VPS13B: variants seen among roughly 807,000 people sequenced by gnomAD.
VPS13B encodes vacuolar protein sorting 13 homolog B, also known as intermembrane lipid transfer protein VPS13B.
Under a neutral mutation model 426.4 loss-of-function variants are expected in VPS13B, and 285 were observed. The ratio of observed to expected loss-of-function variants is 0.67; its 90% CI spans 0.61 to 0.74. VPS13B has a LOEUF of 0.74. Ranked by LOEUF, VPS13B falls within the 30% of genes least tolerant of loss-of-function variation. VPS13B has a pLI of 0.00. For missense variants in VPS13B, 4,537 were observed against 4,782.6 expected, an observed-to-expected ratio of 0.95 and a Z score of 1.51; for synonymous variants, 1,676 against 1,676.4, an observed-to-expected ratio of 1.00 and a Z score of 0.01.
intron 30 of VPS13B, among the ~76,000 whole-genome samples, chr8:99,530,720 A>G (rs1290462943): frequency 6.6e-6 from 1 of 152,144 alleles, no homozygotes; most frequent in Non-Finnish European, 1.5e-5. Context: ...ATTGCTTTCA[A>G]TGCAATGCCT....
intron 47 of VPS13B, 98 bp downstream of exon 47, chr8:99,818,986 G>A (rs1186052943): frequency 1.1e-6 from 1 of 899,138 alleles, no homozygotes; most frequent in Non-Finnish European, 1.8e-6. Context: ...GGGGTGGGTA[G>A]GGAGATGGGA....
chr8:99,665,718 A>G (rs578190497), intron 35 of VPS13B, among the ~76,000 whole-genome samples: 16 of 152,096 alleles, frequency 1.1e-4, no homozygotes, highest in East Asian at 5.8e-4. Context: ...TTTGGTTACT[A>G]TAGCCTTGTA....
At chr8:99,164,426 T>A (rs953650697) in intron 15 of VPS13B, among the ~76,000 whole-genome samples, 1 of 152,150 alleles carries the variant, frequency 6.6e-6, no homozygotes, top group Non-Finnish European at 1.5e-5. Flanking sequence ...AAAACAACAC[T>A]CTTCCCCTAA....
At chr8:99,412,266 T>A (rs1815718532) in intron 21 of VPS13B, among the ~76,000 whole-genome samples, 1 of 152,226 alleles carries the variant, frequency 6.6e-6, no homozygotes, top group Admixed American at 6.5e-5. Flanking sequence ...TTTGTAGTTC[T>A]CCTTGAAGAG....
At chr8:99,833,592 C>CT (rs1815209307) in intron 52 of VPS13B, among the ~76,000 whole-genome samples, 1 of 152,120 alleles carries the variant, frequency 6.6e-6, no homozygotes, top group African/African-American at 2.4e-5. Flanking sequence ...CATTTGTCAT[C>CT]TTTTACACTG....
chr8:99,615,338 G>T (rs1460376449), intron 33 of VPS13B, among the ~76,000 whole-genome samples: 1 of 152,080 alleles, frequency 6.6e-6, no homozygotes, highest in Non-Finnish European at 1.5e-5. Context: ...CCACTTACTG[G>T]CTTTGAAAGA....
At position 99,821,424 on chromosome 8, in the gene VPS13B, A is replaced by G. The variant is rs748263875; in HGVS notation, c.9125A>G (p.Asp3042Gly). The G allele has an allele frequency of 3.1e-6, 5 of 1,613,864 alleles. No individual in the cohort carries two copies. The highest frequency in any genetic ancestry group is 4.2e-6 in the Non-Finnish European group (5 of 1,179,820). ...GGTAATGGTGAAGTTGTGACACTGGATGAAGAAGCGTTTGTTGATACTGAA... is the reference window on the plus strand; with the variant it reads ...GGTAATGGTGAAGTTGTGACACTGGGTGAAGAAGCGTTTGTTGATACTGAA... ...DGGNGEVVTL[D>G]EEAFVDTEIR... Residue 3042 changes from aspartate (D) to glycine (G), a missense_variant, in exon 50 of 62, where the codon GAT (aspartate) becomes GGT (glycine). This residue lies in a region of VPS13B where 4,311 missense variants were observed against 4,474.3 expected (regional missense o/e 0.96). Transcript: ENST00000357162.
chr8:99,534,296 A>G (rs765271772), intron 30 of VPS13B, among the ~76,000 whole-genome samples: 5 of 152,196 alleles, frequency 3.3e-5, no homozygotes, highest in African/African-American at 1.2e-4. Context: ...GCCAAAAGCT[A>G]CCTCAACAAC....
Position 99,384,196 on chromosome 8 carries a change from C to G in VPS13B, c.2825-12C>G, listed in dbSNP as rs1813990717. The G allele has an allele frequency of 3.1e-6, 5 of 1,608,180 alleles. No homozygotes were observed. Among genetic ancestry groups the G allele is most frequent in the Non-Finnish European group, 3.4e-6 (4 of 1,174,842 alleles). On this transcript the variant is annotated splice_polypyrimidine_tract_variant and intron_variant, in intron 19 of 61. Transcript: ENST00000357162. ...AGGACTTATGTAACAGTTTAAAAAT[C>G]TTGTCTTTTAGGTGCTGTACTTCTT...
At chr8:99,578,805 C>G (rs961485931) in intron 33 of VPS13B, among the ~76,000 whole-genome samples, 2 of 152,114 alleles carry the variant, frequency 1.3e-5, no homozygotes, top group Non-Finnish European at 2.9e-5. Flanking sequence ...AAATCTAACT[C>G]TCAGATCACT....
chr8:99,183,878 T>TTAGA (rs1813076180), intron 16 of VPS13B, among the ~76,000 whole-genome samples: 1 of 152,170 alleles, frequency 6.6e-6, no homozygotes. Flanking sequence ...GTCACCCTAA[T>TTAGA]TAGATCCTCT....
At chr8:99,192,022 T>C (rs1339653857) in intron 16 of VPS13B, among the ~76,000 whole-genome samples, 1 of 152,208 alleles carries the variant, frequency 6.6e-6, no homozygotes, top group African/African-American at 2.4e-5. Context: ...CAGTATACTA[T>C]AGTAGCATCC....
At chr8:99,479,784 A>ATT (rs1267829271) in intron 24 of VPS13B, among the ~76,000 whole-genome samples, 1 of 152,130 alleles carries the variant, frequency 6.6e-6, no homozygotes, top group African/African-American at 2.4e-5. Context: ...ATGTACTTCA[A>ATT]TTTGTTAACT....
chr8:99,505,851 C>G lies in VPS13B; in HGVS notation c.4158-1286C>G, dbSNP rs541061664. On this transcript the variant is annotated intron_variant, in intron 27 of 61. Coordinates refer to ENST00000357162, the MANE Select transcript of VPS13B (RefSeq NM_152564.5). The stretch of plus-strand genomic sequence containing the variant: ...CCCATAAAACCGAGGTATGCCTGTA[C>G]TTATTCTCAAAGAGGGTTCTTAACA... Among the ~76,000 whole-genome samples the G allele has an allele frequency of 6.6e-5, 10 of 152,138 alleles. No homozygotes were observed. In the East Asian group the frequency reaches 1.4e-3, roughly 21 times the overall value.
chr8:99,256,044 A>T (rs1817728271), intron 17 of VPS13B, among the ~76,000 whole-genome samples: 2 of 152,124 alleles, frequency 1.3e-5, no homozygotes, highest in South Asian at 4.2e-4. Flanking sequence ...GGTGGAGGAG[A>T]CCAGTTTTTG....
chr8:99,575,945 C>G (rs1825755321), intron 32 of VPS13B, among the ~76,000 whole-genome samples, 161 bp downstream of exon 32: 1 of 152,164 alleles, frequency 6.6e-6, no homozygotes, highest in African/African-American at 2.4e-5. Context: ...TTGTAGTACT[C>G]TTCAGTTATT....
chr8:99,746,756 TTAAAAG>T (rs1810108083), intron 39 of VPS13B, among the ~76,000 whole-genome samples: 1 of 151,996 alleles, frequency 6.6e-6, no homozygotes, highest in Admixed American at 6.6e-5. Flanking sequence ...GTAAACTAGA[TTAAAAG>T]TAAAGACCAA....
chr8:99,854,288 C>T lies in VPS13B; in HGVS notation c.10867+32C>T, dbSNP rs201395886. The stretch of plus-strand genomic sequence containing the variant: ...ACACAAGCTGAGGGTCTGTGATGAG[C>T]TAGAGCCCGGGTAGAAATGACACGC... On this transcript the variant is annotated intron_variant, in intron 56 of 61. Coordinates refer to ENST00000357162, the MANE Select transcript of VPS13B (RefSeq NM_152564.5). 3.1e-6 allele frequency: 5 copies of T among 1,605,132 alleles called. No individual in the cohort carries two copies. The Admixed American group carries it at 8.5e-5, about 27-fold the overall frequency.
At chr8:99,177,342 T>G (rs2097927838) in intron 16 of VPS13B, among the ~76,000 whole-genome samples, 1 of 152,228 alleles carries the variant, frequency 6.6e-6, no homozygotes, top group African/African-American at 2.4e-5. Context: ...CTGTTTTTCC[T>G]TATATTTTTG....
Sources: gnomAD v4.1 joint callset for allele counts (sites outside exome capture counted in the v4.1 genomes callset) on GRCh38, gnomAD v4.1.1 for gene constraint, gnomAD v4.1.1 regional missense constraint, MANE v1.5 for transcripts, NCBI Gene and HGNC (gene_info 2026-07-23, HGNC 2026-07-21) for gene names.